The following RAB2A variants were observed in gnomAD, a reference collection of about 807,000 sequenced individuals.
RAB2A encodes RAB2A, member RAS oncogene family.
A neutral mutation model predicts 32.5 loss-of-function variants in RAB2A; 7 were observed. The ratio of observed to expected loss-of-function variants is 0.22; its 90% CI spans 0.12 to 0.40. The LOEUF (loss-of-function observed/expected upper bound fraction) is 0.40, where lower values mean the gene tolerates loss of function less well. Among genes scored for constraint, RAB2A ranks in the 10% least tolerant of loss-of-function variants. RAB2A has a pLI of 1.00. For synonymous variants in RAB2A, 79 were observed against 85.2 expected, an observed-to-expected ratio of 0.93 and a Z score of 0.40; for missense variants, 108 against 260.7, an observed-to-expected ratio of 0.41 and a Z score of 4.03.
At chr8:60,580,807 T>C (rs184233849) in intron 3 of RAB2A, among the ~76,000 whole-genome samples, 32 of 152,364 alleles carry the variant, frequency 2.1e-4, no homozygotes, top group Non-Finnish European at 3.5e-4. Context: ...TTTTACTCTT[T>C]ACTATCTCTT....
At chr8:60,604,419 A>G (rs182094099) in intron 6 of RAB2A, among the ~76,000 whole-genome samples, 170 of 152,340 alleles carry the variant, frequency 1.1e-3, no homozygotes, top group African/African-American at 3.9e-3. Flanking sequence ...ATGTGGAAAC[A>G]ACTTTGGAAC....
chr8:60,608,050 G>C (rs1231341459), intron 6 of RAB2A, among the ~76,000 whole-genome samples: 1 of 152,060 alleles, frequency 6.6e-6, no homozygotes, highest in Non-Finnish European at 1.5e-5. Context: ...CACGGCCAAG[G>C]TCATCCTGGT....
intron 6 of RAB2A, among the ~76,000 whole-genome samples, chr8:60,603,809 C>T (rs1804177940): frequency 6.6e-6 from 1 of 151,940 alleles, no homozygotes; most frequent in Non-Finnish European, 1.5e-5. Flanking sequence ...TTACTTGACG[C>T]CAGGAGTTCA....
intron 1 of RAB2A, among the ~76,000 whole-genome samples, chr8:60,538,382 A>C (rs1002841892): frequency 5.9e-5 from 9 of 152,340 alleles, no homozygotes; most frequent in Admixed American, 5.9e-4. Context: ...GGAAACATAA[A>C]CTACACAGGA....
chr8:60,585,404 C>T (rs1803831730), intron 5 of RAB2A, among the ~76,000 whole-genome samples: 1 of 152,062 alleles, frequency 6.6e-6, no homozygotes, highest in Non-Finnish European at 1.5e-5. Context: ...CTTGGCCTCC[C>T]GGGCTCAAGG....
rs553756202 is a variant in RAB2A at position 60,533,863 on chromosome 8, G to A, written c.46+16610G>A. Reference sequence around the variant, plus strand: ...TGGGTGCCTGTAATCCCAGCTACCCGGGAGACTGAGGCAGGAGAATCGCTT... The same window carrying A: ...TGGGTGCCTGTAATCCCAGCTACCCAGGAGACTGAGGCAGGAGAATCGCTT... On this transcript the variant is annotated intron_variant, in intron 1 of 7. Coordinates refer to ENST00000262646, the MANE Select transcript of RAB2A (RefSeq NM_002865.3). 7.2e-5 allele frequency among the ~76,000 whole-genome samples: 11 copies of A among 152,186 alleles called. No homozygotes were observed. The South Asian group carries it at 2.1e-3, about 29-fold the overall frequency.
At chr8:60,531,697 C>A (rs1216674767) in intron 1 of RAB2A, among the ~76,000 whole-genome samples, 9 of 151,566 alleles carry the variant, frequency 5.9e-5, no homozygotes, top group Non-Finnish European at 1.2e-4. Context: ...TCTCAGATGT[C>A]TTCATAGTCC....
intron 6 of RAB2A, among the ~76,000 whole-genome samples, chr8:60,605,379 C>T (rs539251321): frequency 1.3e-5 from 2 of 152,348 alleles, no homozygotes; most frequent in African/African-American, 4.8e-5. Context: ...AAAATGTAGG[C>T]TTGGTGCTCC....
chr8:60,565,699 T>A lies in RAB2A; in HGVS notation c.119-6347T>A, dbSNP rs1808101120. Among the ~76,000 whole-genome samples the A allele has an allele frequency of 3.9e-3, 134 of 34,432 alleles. 18 individuals are homozygous for A. Among genetic ancestry groups the A allele is most frequent in the African/African-American group, 0.03 (126 of 4,132 alleles). 22.6% of individuals were successfully genotyped at this position (34,432 alleles called of 152,430 possible). A position where few individuals can be genotyped will look rare whatever the true frequency, so the allele number is the denominator to read the frequency against. ...TGATTTTTTTTTTTTTTTTTTTTTT[T>A]TTTTTTTTTTTTTTTTTTTTTTTTT... On this transcript the variant is annotated intron_variant, in intron 2 of 7. Transcript: ENST00000262646.
intron 5 of RAB2A, among the ~76,000 whole-genome samples, chr8:60,589,398 G>A (rs1473542772): frequency 6.6e-6 from 1 of 152,206 alleles, no homozygotes; most frequent in Non-Finnish European, 1.5e-5. Context: ...GAATTGAACT[G>A]TGGATAGACA....
At chr8:60,595,358 G>A (rs1232595867) in intron 6 of RAB2A, among the ~76,000 whole-genome samples, 1 of 152,014 alleles carries the variant, frequency 6.6e-6, no homozygotes, top group African/African-American at 2.4e-5. Flanking sequence ...GGCAGGAGAA[G>A]GAAAATAGAA....
intron 3 of RAB2A, among the ~76,000 whole-genome samples, chr8:60,574,407 G>GAATA (rs58163084): frequency 0.063 from 9,648 of 152,184 alleles, 787 homozygotes; most frequent in African/African-American, 0.19. Flanking sequence ...CTGAATGAAT[G>GAATA]AATAGAGAAT....
At chr8:60,611,603 C>T (rs1448498475) in intron 6 of RAB2A, among the ~76,000 whole-genome samples, 1 of 152,186 alleles carries the variant, frequency 6.6e-6, no homozygotes, top group Admixed American at 6.5e-5. Flanking sequence ...ACAAATCAAG[C>T]ACTCAGGAAA....
chr8:60,564,668 T>C (rs1808076935), intron 2 of RAB2A, among the ~76,000 whole-genome samples: 2 of 152,206 alleles, frequency 1.3e-5, no homozygotes, highest in African/African-American at 2.4e-5. Flanking sequence ...TGAGTGTATA[T>C]GTACATACCC....
chr8:60,518,005 A>G (rs930030883), intron 1 of RAB2A, among the ~76,000 whole-genome samples: 1 of 151,606 alleles, frequency 6.6e-6, no homozygotes, highest in African/African-American at 2.4e-5. Flanking sequence ...AGGTATGTGT[A>G]TGTTGAGGAC....
At chr8:60,556,576 G>T (rs976527047) in intron 1 of RAB2A, among the ~76,000 whole-genome samples, 1 of 149,854 alleles carries the variant, frequency 6.7e-6, no homozygotes, top group African/African-American at 2.5e-5. Flanking sequence ...AAGGTGGTAG[G>T]ATCTCTTGAG....
chr8:60,595,471 C>T (rs987333404), intron 6 of RAB2A, among the ~76,000 whole-genome samples: 4 of 152,152 alleles, frequency 2.6e-5, no homozygotes, highest in African/African-American at 9.7e-5. Context: ...ATTTTAAAAA[C>T]AATGACTTAG....
chr8:60,517,295 C>A, intron 1 of RAB2A, 42 bp downstream of exon 1: 2 of 1,465,176 alleles, frequency 1.4e-6, no homozygotes, highest in Non-Finnish European at 1.8e-6. Flanking sequence ...CGGCGGCCTC[C>A]GGACCCGGGC....
rs559746871 is a variant in RAB2A, at chr8:60,574,380, G to A, written c.186+2267G>A. Among the ~76,000 whole-genome samples, 11 of 151,882 alleles carry A rather than the reference G, an allele frequency of 7.2e-5. No homozygotes were observed. The South Asian group carries it at 2.3e-3, about 32-fold the overall frequency. On this transcript the variant is annotated intron_variant, in intron 3 of 7. Transcript: ENST00000262646. ...TCTTAGCTTGGTGACTGATAATACAGTGTTTGGTAAATTTTACTGAATGAA... is the reference window on the plus strand; with the variant it reads ...TCTTAGCTTGGTGACTGATAATACAATGTTTGGTAAATTTTACTGAATGAA...
Sources: gnomAD v4.1 joint callset for allele counts (sites outside exome capture counted in the v4.1 genomes callset) on GRCh38, gnomAD v4.1.1 for gene constraint, MANE v1.5 for transcripts, NCBI Gene and HGNC (gene_info 2026-07-23, HGNC 2026-07-21) for gene names.